The following TTC27 variants were observed in gnomAD, a reference collection of about 807,000 sequenced individuals.
The protein encoded by TTC27 is tetratricopeptide repeat protein 27.
In TTC27, 79 loss-of-function variants were observed where a neutral mutation model predicts 115.9. The ratio of observed to expected loss-of-function variants is 0.68; its 90% confidence interval spans 0.57 to 0.82. The LOEUF is 0.82. Ranked by LOEUF, TTC27 falls within the 40% of genes least tolerant of loss-of-function variation. The pLI is 0.00. For missense variants in TTC27, 1,054 were observed against 993.1 expected (o/e 1.06, Z -0.82); for synonymous variants, 401 against 356.0 (o/e 1.13, Z -1.42).
intron 5 of TTC27, 119 bp downstream of exon 5, chr2:32,650,352 T>TTTTA: frequency 2.2e-6 from 1 of 450,562 alleles, no homozygotes; most frequent in Non-Finnish European, 3.8e-6. Context: ...TTGAGTTGTT[T>TTTTA]CTTTTTTTTT....
chr2:32,694,432 T>C (rs1227196406), intron 9 of TTC27, among the ~76,000 whole-genome samples: 1 of 152,118 alleles, frequency 6.6e-6, no homozygotes, highest in African/African-American at 2.4e-5. Context: ...TAGCCAGGCC[T>C]AGTGGCTCAT....
intron 4 of TTC27, among the ~76,000 whole-genome samples, chr2:32,647,092 G>A (rs1179358415): frequency 6.6e-6 from 1 of 150,722 alleles, no homozygotes; most frequent in Non-Finnish European, 1.5e-5. Context: ...TTACAGATAC[G>A]CACCACCACA....
intron 8 of TTC27, among the ~76,000 whole-genome samples, chr2:32,678,617 C>T (rs767246157): frequency 2.6e-5 from 4 of 151,860 alleles, no homozygotes; most frequent in African/African-American, 9.7e-5. Context: ...TTAGTAGAGA[C>T]AGGGTTTCAC....
intron 14 of TTC27, among the ~76,000 whole-genome samples, chr2:32,781,749 T>C (rs1670185960): frequency 6.6e-6 from 1 of 152,196 alleles, no homozygotes; most frequent in African/African-American, 2.4e-5. Flanking sequence ...CCCAGCCCTC[T>C]AATAACCTTT....
intron 10 of TTC27, among the ~76,000 whole-genome samples, chr2:32,716,726 C>G (rs1027434933): frequency 6.6e-6 from 1 of 151,572 alleles, no homozygotes; most frequent in Non-Finnish European, 1.5e-5. Flanking sequence ...GGGTCTTGCT[C>G]TGTTTTCCAG....
intron 5 of TTC27, among the ~76,000 whole-genome samples, chr2:32,662,090 A>G (rs1460532786): frequency 6.6e-6 from 1 of 152,114 alleles, no homozygotes; most frequent in African/African-American, 2.4e-5. Context: ...CATATGTTGA[A>G]CCAGCCTTGC....
intron 16 of TTC27, among the ~76,000 whole-genome samples, chr2:32,798,851 G>T (rs1664308172): frequency 6.6e-6 from 1 of 152,112 alleles, no homozygotes; most frequent in Admixed American, 6.5e-5. Context: ...AATCGAAAAT[G>T]GAATTACCAT....
chr2:32,710,756 G>A (rs191840303), intron 10 of TTC27, among the ~76,000 whole-genome samples: 83 of 152,010 alleles, frequency 5.5e-4, no homozygotes, highest in Middle Eastern at 3.4e-3. Flanking sequence ...TTCTAAACCT[G>A]CATTTGTGAA....
chr2:32,796,166 G>A (rs1294061953), intron 16 of TTC27, among the ~76,000 whole-genome samples: 3 of 152,046 alleles, frequency 2.0e-5, no homozygotes, highest in Admixed American at 6.5e-5. Flanking sequence ...CACTAACAGT[G>A]AACAATCCCA....
At chr2:32,816,578 C>T (rs1287500987) in intron 18 of TTC27, among the ~76,000 whole-genome samples, 1 of 152,124 alleles carries the variant, frequency 6.6e-6, no homozygotes, top group East Asian at 1.9e-4. Context: ...ATGCCTTCTT[C>T]GTAGTTTCAG....
At chr2:32,810,279 C>G (rs561746232) in intron 16 of TTC27, among the ~76,000 whole-genome samples, 2 of 152,024 alleles carry the variant, frequency 1.3e-5, no homozygotes, top group Non-Finnish European at 2.9e-5. Flanking sequence ...TTATAGCAGC[C>G]CAGATGGAAG....
At chr2:32,649,790 C>T (rs954997781) in intron 4 of TTC27, among the ~76,000 whole-genome samples, 4 of 151,946 alleles carry the variant, frequency 2.6e-5, no homozygotes, top group Admixed American at 6.6e-5. Context: ...GTGATCTGCC[C>T]GCCTCGGCCT....
At chr2:32,680,203 G>A (rs1666370024) in intron 9 of TTC27, among the ~76,000 whole-genome samples, 1 of 152,082 alleles carries the variant, frequency 6.6e-6, no homozygotes, top group African/African-American at 2.4e-5. Flanking sequence ...GGTAACTGTG[G>A]AAATGTTCCT....
chr2:32,760,174 C>G (rs1271978641), intron 13 of TTC27, among the ~76,000 whole-genome samples: 1 of 152,164 alleles, frequency 6.6e-6, no homozygotes, highest in East Asian at 1.9e-4. Flanking sequence ...TTTCCGAACT[C>G]TGAATGGTGA....
At chr2:32,715,632 C>T (rs1667727966) in intron 10 of TTC27, among the ~76,000 whole-genome samples, 1 of 152,054 alleles carries the variant, frequency 6.6e-6, no homozygotes, top group African/African-American at 2.4e-5. Context: ...TGTTTGTTAC[C>T]GTTGTGGAGA....
At chr2:32,720,090 C>G (rs1391905651) in intron 10 of TTC27, among the ~76,000 whole-genome samples, 1 of 152,192 alleles carries the variant, frequency 6.6e-6, no homozygotes, top group East Asian at 1.9e-4. Flanking sequence ...TACTTTCTCT[C>G]CTTACTGCTG....
At chr2:32,644,968 G>A (rs1245283653) in intron 4 of TTC27, among the ~76,000 whole-genome samples, 5 of 146,272 alleles carry the variant, frequency 3.4e-5, no homozygotes, top group Non-Finnish European at 7.4e-5. Context: ...CCAGCCTCCT[G>A]AGCAGCTAGG....
chr2:32,793,404 T>C (rs1287395002), intron 16 of TTC27, among the ~76,000 whole-genome samples: 1 of 152,016 alleles, frequency 6.6e-6, no homozygotes, highest in African/African-American at 2.4e-5. Flanking sequence ...CTCAAGGGGG[T>C]CCTGCAGGGT....
intron 13 of TTC27, among the ~76,000 whole-genome samples, chr2:32,775,893 G>T (rs1669982253): frequency 6.6e-6 from 1 of 152,150 alleles, no homozygotes; most frequent in African/African-American, 2.4e-5. Flanking sequence ...TGTTTTACAT[G>T]TTAGCATCAG....
Sources: gnomAD v4.1 joint callset for allele counts (sites outside exome capture counted in the v4.1 genomes callset) on GRCh38, gnomAD v4.1.1 for gene constraint, MANE v1.5 for transcripts, NCBI Gene and HGNC (gene_info 2026-07-23, HGNC 2026-07-21) for gene names.